Variants in HES3 observed in about 807,000 individuals in gnomAD.
HES3 encodes hes family bHLH transcription factor 3, also known as transcription factor HES-3.
Under a neutral mutation model 8.0 loss-of-function variants are expected in HES3, and 6 were observed. The observed-to-expected ratio is 0.75, with a 90% CI of 0.41 to 1.49. The LOEUF (loss-of-function observed/expected upper bound fraction) is 1.49, where lower values mean the gene tolerates loss of function less well. Among genes scored for constraint, HES3 ranks in the 40% most tolerant of loss-of-function variants. HES3 has a pLI of 0.01. For missense variants in HES3, 266 were observed against 260.9 expected, an observed-to-expected ratio of 1.02 and a Z score of -0.13; for synonymous variants, 121 against 119.4, an observed-to-expected ratio of 1.01 and a Z score of -0.09.
At position 6,245,213 on chromosome 1, in the gene HES3, C is replaced by T. The variant is rs891614878; in HGVS notation, c.267C>T (p.Gly89=). Reference sequence around the variant, plus strand: ...GGCGCGGAGATGAGGTCGGCAGCGGCCTGCGCTGCCCCCTGGTGCCCGAGA... The same window carrying T: ...GGCGCGGAGATGAGGTCGGCAGCGGTCTGCGCTGCCCCCTGGTGCCCGAGA... ...LLRRGDEVGS[G]LRCPLVPESA... The change falls in exon 4 of 4, where the codon GGC becomes GGT. Residue 89 remains glycine, a synonymous_variant. Coordinates refer to ENST00000377898, the MANE Select transcript of HES3 (RefSeq NM_001024598.4). The T allele has an allele frequency of 2.8e-5, 42 of 1,525,368 alleles. No individual in the cohort carries two copies. Among genetic ancestry groups the T allele is most frequent in the Non-Finnish European group, 3.4e-5 (39 of 1,142,658 alleles). 94.5% of individuals were successfully genotyped at this position (1,525,368 alleles called of 1,614,324 possible).
Position 6,245,217 on chromosome 1 carries a change from C to T in HES3, c.271C>T (p.Arg91Cys), listed in dbSNP as rs367744403. ...CGGAGATGAGGTCGGCAGCGGCCTG[C>T]GCTGCCCCCTGGTGCCCGAGAGCGC... ...RRGDEVGSGL[R>C]CPLVPESAAG... Residue 91 changes from arginine (R) to cysteine (C), a missense_variant, in exon 4 of 4, where the codon CGC (arginine) becomes TGC (cysteine). Coordinates refer to ENST00000377898, the MANE Select transcript of HES3 (RefSeq NM_001024598.4). 140 of 1,525,102 alleles carry T rather than the reference C, an allele frequency of 9.2e-5. 1 individual carries two copies. The African/African-American group carries it at 1.6e-3, about 17-fold the overall frequency. 94.5% of individuals were successfully genotyped at this position (1,525,102 alleles called of 1,614,324 possible).
Position 6,244,968 on chromosome 1 carries a change from T to A in HES3, c.164-142T>A. 6.3e-6 allele frequency: 4 copies of A among 630,242 alleles called. No individual in the cohort carries two copies. In the East Asian group the frequency reaches 9.1e-5, roughly 14 times the overall value. 39.0% of individuals were successfully genotyped at this position (630,242 alleles called of 1,614,324 possible). On this transcript the variant is annotated intron_variant, in intron 3 of 3. Transcript: ENST00000377898. ...TCCCTTCCTCAACACGCTTCCTCCCTCCTTTCCCCTCCACCTCCACTCCCC... is the reference window on the plus strand; with the variant it reads ...TCCCTTCCTCAACACGCTTCCTCCCACCTTTCCCCTCCACCTCCACTCCCC...
intron 3 of HES3, 99 bp from the exon 4 acceptor site, chr1:6,245,011 T>TCCCCC: frequency 4.9e-5 from 5 of 103,060 alleles, no homozygotes; most frequent in South Asian, 1.1e-4. Flanking sequence ...CCTCCCTTCC[T>TCCCCC]CCCCTCCCCT....
rs1316635948 is a variant in HES3 at position 6,244,433 on chromosome 1, A to C, written c.68A>C (p.His23Pro). 3 of 1,512,714 alleles carry C rather than the reference A, an allele frequency of 2.0e-6. No individual in the cohort carries two copies. Among genetic ancestry groups the C allele is most frequent in the Non-Finnish European group, 2.7e-6 (3 of 1,122,146 alleles). The allele number at this position is 1,512,714 out of a possible 1,614,324, so 93.7% of individuals were successfully genotyped here. Reference protein sequence around the residue: ...LEQLKSLLEKHYSHQIRKRKL... With the variant: ...LEQLKSLLEKPYSHQIRKRKL... ...CAGCTCAAGTCGCTGCTGGAGAAAC[A>C]CTACTCGCACCAGGTGAGACTCAGG... is the stretch of plus-strand genomic sequence containing the variant. Residue 23 changes from histidine (H) to proline (P), a missense_variant, in exon 2 of 4, where the codon CAC becomes CCC. Transcript: ENST00000377898.
Position 6,245,182 on chromosome 1 carries a change from T to C in HES3, c.236T>C (p.Leu79Pro). Residue 79 changes from leucine (L) to proline (P), a missense_variant, in exon 4 of 4, where the codon CTC becomes CCC. Transcript: ENST00000377898. Reference protein sequence around the residue: ...FRSCLPGVSQLLRRGDEVGSG... With the variant: ...FRSCLPGVSQPLRRGDEVGSG... ...AGCTGCCTGCCCGGCGTGAGCCAGC[T>C]CCTTCGGCGCGGAGATGAGGTCGGC... is the stretch of plus-strand genomic sequence containing the variant. 1 of 1,525,814 alleles carries C rather than the reference T, an allele frequency of 6.6e-7. No homozygotes were observed. Among genetic ancestry groups the C allele is most frequent in the Non-Finnish European group, 8.7e-7 (1 of 1,143,698 alleles). 94.5% of individuals were successfully genotyped at this position (1,525,814 alleles called of 1,614,324 possible). A position where few individuals can be genotyped will look rare whatever the true frequency, so the allele number is the denominator to read the frequency against.
Position 6,245,403 on chromosome 1 carries a change from A to G in HES3, c.457A>G (p.Ser153Gly). 6.5e-7 allele frequency: 1 copy of G among 1,534,796 alleles called. No individual in the cohort carries two copies. The highest frequency in any genetic ancestry group is 8.7e-7 in the Non-Finnish European group (1 of 1,150,192). The change falls in exon 4 of 4, where the codon AGC becomes GGC. Residue 153 changes from serine to glycine, a missense_variant. Physicochemically the swap from Ser to Gly is moderately conservative, Grantham distance 56. Transcript: ENST00000377898. ...LPESLPGSSA[S>G]VPPPQPASSR... ...CGAAAGTCTCCCTGGCTCGTCCGCC[A>G]GCGTCCCCCCGCCGCAGCCAGCGTC...
chr1:6,245,188 G>A lies in HES3; in HGVS notation c.242G>A (p.Arg81Gln). 1 of 1,526,140 alleles carries A rather than the reference G, an allele frequency of 6.6e-7. No homozygotes were observed. The highest frequency in any genetic ancestry group is 8.7e-7 in the Non-Finnish European group (1 of 1,143,788). 94.5% of individuals were successfully genotyped at this position (1,526,140 alleles called of 1,614,324 possible). The change falls in exon 4 of 4, where the codon CGG (arginine) becomes CAG (glutamine). Residue 81 changes from arginine (R) to glutamine (Q), a missense_variant. By Grantham distance (43) the Arg-to-Gln change is conservative (BLOSUM62 1). Transcript: ENST00000377898. ...SCLPGVSQLL[R>Q]RGDEVGSGLR... ...CTGCCCGGCGTGAGCCAGCTCCTTC[G>A]GCGCGGAGATGAGGTCGGCAGCGGC...
intron 1 of HES3, 42 bp from the exon 2 acceptor site, chr1:6,244,309 G>A (rs974836407): frequency 4.6e-6 from 7 of 1,535,010 alleles, no homozygotes; most frequent in Non-Finnish European, 6.3e-6. Context: ...GCCGAGGGCA[G>A]GAGGGTGGCA....
intron 2 of HES3, 37 bp downstream of exon 2, chr1:6,244,483 C>T: frequency 1.2e-6 from 2 of 1,609,252 alleles, no homozygotes; most frequent in East Asian, 2.2e-5. Flanking sequence ...GTGGGTGATA[C>T]GATCCCAACC....
intron 3 of HES3, 107 bp from the exon 4 acceptor site, chr1:6,245,003 T>TTCCCCCCCCCCCCCCCCCC: frequency 1.3e-5 from 2 of 149,046 alleles, no homozygotes; most frequent in South Asian, 6.7e-5. Flanking sequence ...CTCTCCTCCC[T>TTCCCCCCCCCCCCCCCCCC]CCCTTCCTCC....
Position 6,245,472 on chromosome 1 carries a change from C to A in HES3, c.526C>A (p.Arg176=). 6.6e-7 allele frequency: 1 copy of A among 1,520,446 alleles called. No individual in the cohort carries two copies. The allele number at this position is 1,520,446 out of a possible 1,614,324, so 94.2% of individuals were successfully genotyped here. Residue 176 remains arginine, a synonymous_variant, in exon 4 of 4, where the codon CGG becomes AGG. Coordinates refer to ENST00000377898, the MANE Select transcript of HES3 (RefSeq NM_001024598.4). Reference sequence around the variant, plus strand: ...TCCCGGGCTGGGCCTGCGCGTGTGGCGGCCCTGGGGAAGCCCCGGGGATGA... The same window carrying A: ...TCCCGGGCTGGGCCTGCGCGTGTGGAGGCCCTGGGGAAGCCCCGGGGATGA... ...ESPGLGLRVW[R]PWGSPGDDLN is the part of the protein sequence containing the mutation.
chr1:6,245,266 C>G lies in HES3; in HGVS notation c.320C>G (p.Ala107Gly). Residue 107 changes from alanine (A) to glycine (G), a missense_variant, in exon 4 of 4, where the codon GCC becomes GGC. By Grantham distance (60) the Ala-to-Gly change is moderately conservative (BLOSUM62 0). Transcript: ENST00000377898. ...GCCGCCGGCAGCACCATGGACAGCG[C>G]CGGGTTGGGCCAGGAGGCGCCCGCG... is the stretch of plus-strand genomic sequence containing the variant. ...ESAAGSTMDS[A>G]GLGQEAPALF... 2.0e-6 allele frequency: 3 copies of G among 1,501,120 alleles called. No homozygotes were observed. The highest frequency in any genetic ancestry group is 2.6e-6 in the Non-Finnish European group (3 of 1,133,342). The allele number at this position is 1,501,120 out of a possible 1,614,324, so 93.0% of individuals were successfully genotyped here.
At position 6,245,268 on chromosome 1, in the gene HES3, G is replaced by A. The variant is rs749642899; in HGVS notation, c.322G>A (p.Gly108Arg). The change falls in exon 4 of 4, where the codon GGG (glycine) becomes AGG (arginine). Residue 108 changes from glycine to arginine, a missense_variant. Gly to Arg is a moderately radical substitution (Grantham distance 125, BLOSUM62 -2). Coordinates refer to ENST00000377898, the MANE Select transcript of HES3 (RefSeq NM_001024598.4). ...CGCCGGCAGCACCATGGACAGCGCC[G>A]GGTTGGGCCAGGAGGCGCCCGCGCT... ...SAAGSTMDSA[G>R]LGQEAPALFR... is the part of the protein sequence containing the mutation. The A allele has an allele frequency of 1.9e-4, 289 of 1,501,002 alleles. No individual in the cohort carries two copies. The highest frequency in any genetic ancestry group is 4.3e-4 in the East Asian group (16 of 37,466). The allele number at this position is 1,501,002 out of a possible 1,614,324, so 93.0% of individuals were successfully genotyped here.
chr1:6,244,507 C>G lies in HES3; in HGVS notation c.82-41C>G, dbSNP rs754476227. ...ACGATCCCAACCTCCCTCTCTCCAC[C>G]TCGGGAGGCCGGTCTAATAGACCTT... On this transcript the variant is annotated intron_variant, in intron 2 of 3. Transcript: ENST00000377898. 11 of 1,613,104 alleles carry G rather than the reference C, an allele frequency of 6.8e-6. No homozygotes were observed. In the East Asian group the frequency reaches 2.5e-4, roughly 36 times the overall value.
rs1033872310 is a variant in HES3, at chr1:6,244,237, G to A, written c.-20G>A. The A allele has an allele frequency of 2.2e-5, 18 of 819,252 alleles. No homozygotes were observed. Among genetic ancestry groups the A allele is most frequent in the African/African-American group, 6.8e-5 (4 of 58,586 alleles). 50.7% of individuals were successfully genotyped at this position (819,252 alleles called of 1,614,324 possible). On this transcript the variant is annotated 5_prime_UTR_variant, in exon 1 of 4. Transcript: ENST00000377898. ...CGGGGCAGCCTCCCCGGCAACTTCC[G>A]AAAGGTCTGGGGTCTTGAGGGACTA...
chr1:6,245,049 C>T (rs1299637713), intron 3 of HES3, 61 bp from the exon 4 acceptor site: 13 of 512,216 alleles, frequency 2.5e-5, no homozygotes, highest in African/African-American at 2.4e-4. Flanking sequence ...CTCTCCCTCC[C>T]CCTCCCCTTC....
chr1:6,244,470 T>TGGGGGGGG, intron 2 of HES3, 24 bp downstream of exon 2: 1 of 380,102 alleles, frequency 2.6e-6, no homozygotes, highest in Non-Finnish European at 4.9e-6. Flanking sequence ...GGGGTGGGGG[T>TGGGGGGGG]GGGTGGGTGA....
Position 6,245,405 on chromosome 1 carries a change from CG to C in HES3, c.460del (p.Val154SerfsTer32), listed in dbSNP as rs758790431. Reference protein sequence around the residue: ...PESLPGSSASVPPPQPASSRC... With the variant: ...PESLPGSSASXPPPQPASSRC... ...AAAGTCTCCCTGGCTCGTCCGCCAG[CG>C]TCCCCCCGCCGCAGCCAGCGTCGAG... On this transcript the variant is annotated frameshift_variant, in exon 4 of 4. Coordinates refer to ENST00000377898, the MANE Select transcript of HES3 (RefSeq NM_001024598.4). LOFTEE classifies it low-confidence loss of function (END_TRUNC). 1 of 1,537,028 alleles carries C rather than the reference CG, an allele frequency of 6.5e-7. No homozygotes were observed. Among genetic ancestry groups the C allele is most frequent in the East Asian group, 2.5e-5 (1 of 39,908 alleles).
intron 3 of HES3, 130 bp downstream of exon 3, chr1:6,244,759 T>C (rs1204005924): frequency 1.2e-6 from 1 of 814,136 alleles, no homozygotes; most frequent in African/African-American, 1.7e-5. Context: ...CTGGGCAACA[T>C]GGCAAGACAG....
Sources: allele counts gnomAD v4.1 joint callset, GRCh38; gene constraint gnomAD v4.1.1; transcripts MANE v1.5; gene names NCBI Gene and HGNC (gene_info 2026-07-23, HGNC 2026-07-21).